The following CASR variants were observed in gnomAD, a reference collection of about 807,000 sequenced individuals.
The protein encoded by CASR is calcium sensing receptor.
A neutral mutation model predicts 69.1 loss-of-function variants in CASR; 23 were observed. The ratio of observed to expected loss-of-function variants is 0.33; its 90% CI spans 0.24 to 0.47. The LOEUF (loss-of-function observed/expected upper bound fraction) is 0.47, where lower values mean the gene tolerates loss of function less well. CASR is among the 20% of genes least tolerant of loss of function. The pLI, the probability that CASR is intolerant of heterozygous loss-of-function variation, is 1.00. For missense variants in CASR, 924 were observed against 1,356.1 expected, an observed-to-expected ratio of 0.68 and a Z score of 5.00; for synonymous variants, 541 against 544.7, an observed-to-expected ratio of 0.99 and a Z score of 0.10.
At chr3:122,206,172 A>G (rs186030164) in intron 1 of CASR, among the ~76,000 whole-genome samples, 1 of 151,672 alleles carries the variant, frequency 6.6e-6, no homozygotes, top group East Asian at 1.9e-4. Context: ...AAGTCCTTTA[A>G]TTTTTCTCCA....
At chr3:122,233,825 C>T (rs2074302252) in intron 1 of CASR, among the ~76,000 whole-genome samples, 1 of 152,198 alleles carries the variant, frequency 6.6e-6, no homozygotes, top group South Asian at 2.1e-4. Flanking sequence ...GTTGCTGCTG[C>T]TGATTCAGAT....
At chr3:122,263,638 C>A (rs1024189059) in intron 4 of CASR, among the ~76,000 whole-genome samples, 1 of 152,204 alleles carries the variant, frequency 6.6e-6, no homozygotes, top group East Asian at 1.9e-4. Context: ...TCATGAAAGA[C>A]AAGGAGTGAC....
intron 1 of CASR, among the ~76,000 whole-genome samples, chr3:122,212,000 G>A (rs559332338): frequency 1.3e-5 from 2 of 152,120 alleles, no homozygotes; most frequent in Admixed American, 1.3e-4. Flanking sequence ...AGACAGTGTG[G>A]CATCCCTCAA....
chr3:122,265,947 A>C (rs2074688283), intron 4 of CASR, among the ~76,000 whole-genome samples: 1 of 152,108 alleles, frequency 6.6e-6, no homozygotes, highest in African/African-American at 2.4e-5. Context: ...GAGAAGATGG[A>C]AGGGAGATAA....
intron 3 of CASR, among the ~76,000 whole-genome samples, chr3:122,257,841 T>C (rs1348707125): frequency 6.6e-6 from 1 of 152,212 alleles, no homozygotes; most frequent in Non-Finnish European, 1.5e-5. Context: ...GCAGAGCATA[T>C]TTTCTCACAA....
At chr3:122,191,904 A>G (rs1489491380) in intron 1 of CASR, among the ~76,000 whole-genome samples, 3 of 152,234 alleles carry the variant, frequency 2.0e-5, no homozygotes, top group Admixed American at 1.3e-4. Flanking sequence ...GAACATTAAG[A>G]TGTTGAAGAT....
intron 5 of CASR, among the ~76,000 whole-genome samples, chr3:122,280,582 T>TCCCTC (rs1158573705): frequency 6.6e-6 from 1 of 152,174 alleles, no homozygotes; most frequent in African/African-American, 2.4e-5. Flanking sequence ...GTTGTCCTTT[T>TCCCTC]CCCTCCCCTC....
At chr3:122,254,522 C>G (rs960031739) in intron 2 of CASR, 148 bp downstream of exon 2, 1 of 765,196 alleles carries the variant, frequency 1.3e-6, no homozygotes. Flanking sequence ...TTATTGCCCC[C>G]ACAACCTGCC....
chr3:122,252,400 A>AAGGAAGGAAGGAAGGT lies in CASR; in HGVS notation c.-242-1539_-242-1538insGGAAGGTAGGAAGGAA, dbSNP rs1324090752. Among the ~76,000 whole-genome samples, 128 of 51,260 alleles carry AAGGAAGGAAGGAAGGT rather than the reference A, an allele frequency of 2.5e-3. 14 individuals carry two copies. The highest frequency in any genetic ancestry group is 8.1e-3 in the African/African-American group (88 of 10,820). 33.6% of individuals were successfully genotyped at this position (51,260 alleles called of 152,430 possible). A position where few individuals can be genotyped will look rare whatever the true frequency, so the allele number is the denominator to read the frequency against. On this transcript the variant is annotated intron_variant, in intron 1 of 6. Transcript: ENST00000639785. ...GAAGGAAGGAAGGAAGGAAGGAAGG[A>AAGGAAGGAAGGAAGGT]AGGAAGGAAAAAGAAAGAAAGAAAG...
At chr3:122,189,409 A>G (rs1401195256) in intron 1 of CASR, among the ~76,000 whole-genome samples, 1 of 152,218 alleles carries the variant, frequency 6.6e-6, no homozygotes, top group East Asian at 1.9e-4. Context: ...CTTTCCTCAC[A>G]TTGAAAAAGC....
chr3:122,243,093 C>T (rs9851169), intron 1 of CASR, among the ~76,000 whole-genome samples: 3,299 of 152,164 alleles, frequency 0.022, 116 homozygotes, highest in African/African-American at 0.074. Flanking sequence ...ACTGGGGAAG[C>T]TCTCCAGAAC....
intron 4 of CASR, among the ~76,000 whole-genome samples, chr3:122,271,605 A>C (rs1293560105): frequency 6.6e-6 from 1 of 152,232 alleles, no homozygotes; most frequent in Non-Finnish European, 1.5e-5. Context: ...GCTTTATAAG[A>C]TGTAATTCAC....
At chr3:122,236,687 A>G (rs1342870414) in intron 1 of CASR, among the ~76,000 whole-genome samples, 1 of 152,236 alleles carries the variant, frequency 6.6e-6, no homozygotes, top group Non-Finnish European at 1.5e-5. Context: ...ACACATCTTG[A>G]AATCTCCAGT....
chr3:122,286,638 T>G lies in CASR; in HGVS notation c.*1447T>G, dbSNP rs2074972817. The G allele has an allele frequency of 6.6e-6, 1 of 152,160 alleles. No homozygotes were observed. Among genetic ancestry groups the G allele is most frequent in the Admixed American group, 6.5e-5 (1 of 15,274 alleles). 9.4% of individuals were successfully genotyped at this position (152,160 alleles called of 1,614,324 possible). On this transcript the variant is annotated 3_prime_UTR_variant, in exon 7 of 7. Coordinates refer to ENST00000639785, the MANE Select transcript of CASR (RefSeq NM_000388.4). Reference sequence around the variant, plus strand: ...GCCCAAGAGCTCTGGGCCCAACACATGGGGTCAGCCATAGTATCACTGGCT... The same window carrying G: ...GCCCAAGAGCTCTGGGCCCAACACAGGGGGTCAGCCATAGTATCACTGGCT...
At chr3:122,278,848 G>A (rs946100230) in intron 5 of CASR, among the ~76,000 whole-genome samples, 30 of 152,156 alleles carry the variant, frequency 2.0e-4, no homozygotes, top group African/African-American at 7.2e-4. Flanking sequence ...TTAAGAAGAA[G>A]AGAAAAAGAG....
At chr3:122,206,084 T>C (rs1219589288) in intron 1 of CASR, among the ~76,000 whole-genome samples, 6 of 152,056 alleles carry the variant, frequency 3.9e-5, no homozygotes, top group Non-Finnish European at 1.5e-5. Flanking sequence ...CTAATTATTC[T>C]AGCCAAGGAC....
At chr3:122,247,188 C>T (rs2074436406) in intron 1 of CASR, 1 of 152,132 alleles carries the variant, frequency 6.6e-6, no homozygotes, top group Non-Finnish European at 1.5e-5. Flanking sequence ...AAAAGTGTCC[C>T]ATACCAAAAT....
At chr3:122,212,620 G>C (rs2074079759) in intron 1 of CASR, among the ~76,000 whole-genome samples, 1 of 147,670 alleles carries the variant, frequency 6.8e-6, no homozygotes, top group East Asian at 2.0e-4. Flanking sequence ...CCTAGGAAGA[G>C]TTTTGATTCC....
chr3:122,266,493 G>A lies in CASR; in HGVS notation c.1377+4081G>A, dbSNP rs117318117. Among the ~76,000 whole-genome samples the A allele has an allele frequency of 2.3e-4, 35 of 151,850 alleles. No individual in the cohort carries two copies. In the East Asian group the frequency reaches 5.6e-3, roughly 24 times the overall value. On this transcript the variant is annotated intron_variant, in intron 4 of 6. Coordinates refer to ENST00000639785, the MANE Select transcript of CASR (RefSeq NM_000388.4). ...CACCCAGGCTGGAATGCAGCGGCCC[G>A]ATCTTGGCTCACTGCAAACTCCGCC...
Sources: gnomAD v4.1 joint callset for allele counts (sites outside exome capture counted in the v4.1 genomes callset) on GRCh38, gnomAD v4.1.1 for gene constraint, MANE v1.5 for transcripts, NCBI Gene and HGNC (gene_info 2026-07-23, HGNC 2026-07-21) for gene names.